The following DMAC2L variants were observed in gnomAD, a reference collection of about 807,000 sequenced individuals.
DMAC2L encodes the protein ATP synthase subunit s, mitochondrial.
A neutral mutation model predicts 22.5 loss-of-function variants in DMAC2L; 21 were observed. That is an observed-to-expected ratio of 0.93 (90% CI 0.66 to 1.34). DMAC2L has a LOEUF of 1.34. Ranked by LOEUF, DMAC2L falls within the 40% of genes most tolerant of loss-of-function variation. DMAC2L has a pLI of 0.00. For missense variants in DMAC2L, 239 were observed against 246.5 expected, an observed-to-expected ratio of 0.97 and a Z score of 0.20; for synonymous variants, 86 against 89.5, an observed-to-expected ratio of 0.96 and a Z score of 0.22.
At position 50,325,827 on chromosome 14, in the gene DMAC2L, A is replaced by G; in HGVS notation, c.*104A>G. On this transcript the variant is annotated 3_prime_UTR_variant, in exon 6 of 6. Transcript: ENST00000557421. ...AGTAGAATTATAAGGATGCCATATC[A>G]TGACATTTTAGAAGTGGAGAGTGCA... 1 of 1,451,788 alleles carries G rather than the reference A, an allele frequency of 6.9e-7. No homozygotes were observed. The highest frequency in any genetic ancestry group is 9.1e-7 in the Non-Finnish European group (1 of 1,104,542). 89.9% of individuals were successfully genotyped at this position (1,451,788 alleles called of 1,614,324 possible).
chr14:50,319,295 TGAAAGG>T, intron 2 of DMAC2L: 1 of 1,536,056 alleles, frequency 6.5e-7, no homozygotes, highest in Non-Finnish European at 8.7e-7. Flanking sequence ...GAAAAAGGGA[TGAAAGG>T]GTAGTTGGTT....
At chr14:50,317,052 T>C (rs4405472) in intron 2 of DMAC2L, among the ~76,000 whole-genome samples, 86,937 of 152,032 alleles carry the variant, frequency 0.57, 24,865 homozygotes, top group Middle Eastern at 0.64. Context: ...GTTGACTCTA[T>C]CCATCCATGA....
chr14:50,315,036 A>G (rs1218541736), intron 2 of DMAC2L, among the ~76,000 whole-genome samples: 5 of 150,998 alleles, frequency 3.3e-5, no homozygotes, highest in Non-Finnish European at 7.4e-5. Context: ...GCATGATCTC[A>G]GCTCACTGCA....
chr14:50,313,933 A>T (rs1325363719), intron 1 of DMAC2L, among the ~76,000 whole-genome samples: 1 of 152,240 alleles, frequency 6.6e-6, no homozygotes, highest in Non-Finnish European at 1.5e-5. Context: ...AAATTTTGTT[A>T]TATCAAGAAT....
At chr14:50,312,144 G>T, upstream of DMAC2L, 1 of 1,610,162 alleles carries the variant, frequency 6.2e-7, no homozygotes, top group African/African-American at 1.3e-5. Flanking sequence ...CGCAGCGCTG[G>T]CACCATCCCC....
chr14:50,325,381 TA>T (rs755975690), intron 5 of DMAC2L, among the ~76,000 whole-genome samples: 4 of 152,190 alleles, frequency 2.6e-5, no homozygotes, highest in Non-Finnish European at 5.9e-5. Context: ...TCATTATAAA[TA>T]TATATTTTAT....
chr14:50,316,203 ATCT>A (rs1407517662), intron 2 of DMAC2L, among the ~76,000 whole-genome samples: 2 of 152,046 alleles, frequency 1.3e-5, no homozygotes, highest in African/African-American at 2.4e-5. Flanking sequence ...CCATTCATAT[ATCT>A]TCTTTTGAGA....
intron 1 of DMAC2L, chr14:50,313,072 T>A: frequency 6.2e-7 from 1 of 1,601,024 alleles, no homozygotes; most frequent in Non-Finnish European, 8.6e-7. Context: ...TCACTTCACC[T>A]GATTCCCTTT....
chr14:50,324,235 T>C (rs2032520926), intron 5 of DMAC2L, 119 bp downstream of exon 5: 1 of 1,069,132 alleles, frequency 9.4e-7, no homozygotes, highest in African/African-American at 1.6e-5. Context: ...TTTTAAAAAA[T>C]GACCTCACTT....
intron 2 of DMAC2L, among the ~76,000 whole-genome samples, chr14:50,315,446 G>A (rs912033790): frequency 6.6e-6 from 1 of 150,732 alleles, no homozygotes; most frequent in African/African-American, 2.4e-5. Flanking sequence ...GGTGGATCAC[G>A]AGGTCAGGAG....
chr14:50,317,807 G>A (rs1042622317), intron 2 of DMAC2L, among the ~76,000 whole-genome samples: 3 of 151,384 alleles, frequency 2.0e-5, no homozygotes, highest in African/African-American at 4.9e-5. Flanking sequence ...GGTGAGAGTC[G>A]GCATCCTTAT....
At chr14:50,313,920 C>G (rs1429815948) in intron 1 of DMAC2L, among the ~76,000 whole-genome samples, 1 of 152,138 alleles carries the variant, frequency 6.6e-6, no homozygotes, top group African/African-American at 2.4e-5. Context: ...TTCTCTGTTT[C>G]TAAAATTTTG....
At chr14:50,312,455 C>T (rs1206455937) in intron 1 of DMAC2L, 66 bp downstream of exon 1, 8 of 486,528 alleles carry the variant, frequency 1.6e-5, no homozygotes, top group African/African-American at 1.4e-4. Flanking sequence ...TGCCCTCGCC[C>T]GTCGCCAACG....
rs1190269213 is a variant in DMAC2L, at chr14:50,312,940, A to C, written c.-42+551A>C. Reference sequence around the variant, plus strand: ...TACTCGACCCGGCACTGGGTACCGGAAGAACCAGACAGCTCGGTTTTTGCC... The same window carrying C: ...TACTCGACCCGGCACTGGGTACCGGCAGAACCAGACAGCTCGGTTTTTGCC... On this transcript the variant is annotated intron_variant, in intron 1 of 5. Coordinates refer to ENST00000557421, the MANE Select transcript of DMAC2L (RefSeq NM_001382507.1). 4 of 1,559,484 alleles carry C rather than the reference A, an allele frequency of 2.6e-6. No homozygotes were observed. In the African/African-American group the frequency reaches 4.1e-5, roughly 16 times the overall value.
intron 4 of DMAC2L, chr14:50,322,949 T>G: frequency 7.2e-7 from 1 of 1,391,758 alleles, no homozygotes; most frequent in Non-Finnish European, 9.3e-7. Context: ...CTCTAGTCTT[T>G]GGTTTATTGA....
intron 3 of DMAC2L, among the ~76,000 whole-genome samples, chr14:50,322,244 C>T (rs113845431): frequency 1.4e-4 from 21 of 152,258 alleles, no homozygotes; most frequent in African/African-American, 5.1e-4. Context: ...ATCAATGAAA[C>T]GTTGTGTCTG....
chr14:50,325,848 G>A lies in DMAC2L; in HGVS notation c.*125G>A, dbSNP rs1444934239. The A allele has an allele frequency of 1.2e-5, 17 of 1,390,992 alleles. No homozygotes were observed. The highest frequency in any genetic ancestry group is 1.6e-5 in the Non-Finnish European group (17 of 1,072,002). 86.2% of individuals were successfully genotyped at this position (1,390,992 alleles called of 1,614,324 possible). A position where few individuals can be genotyped will look rare whatever the true frequency, so the allele number is the denominator to read the frequency against. On this transcript the variant is annotated 3_prime_UTR_variant, in exon 6 of 6. Transcript: ENST00000557421. ...TATCATGACATTTTAGAAGTGGAGAGTGCATCATATGTAGAAAATAAATAT... is the reference window on the plus strand; with the variant it reads ...TATCATGACATTTTAGAAGTGGAGAATGCATCATATGTAGAAAATAAATAT...
At chr14:50,319,144 A>G (rs2032057245) in intron 2 of DMAC2L, 2 of 1,520,792 alleles carry the variant, frequency 1.3e-6, no homozygotes, top group Admixed American at 2.0e-5. Flanking sequence ...GAAAGCCCAT[A>G]TTTGTAAATA....
chr14:50,318,683 AT>A (rs559779079), intron 2 of DMAC2L, among the ~76,000 whole-genome samples: 18 of 150,760 alleles, frequency 1.2e-4, no homozygotes, highest in African/African-American at 2.9e-4. Flanking sequence ...TCTAACTGGA[AT>A]TTTTTTTTTC....
Sources: gnomAD v4.1 joint callset for allele counts (sites outside exome capture counted in the v4.1 genomes callset) on GRCh38, gnomAD v4.1.1 for gene constraint, MANE v1.5 for transcripts, NCBI Gene and HGNC (gene_info 2026-07-23, HGNC 2026-07-21) for gene names.